TRPC4: variants seen among roughly 807,000 people sequenced by gnomAD.
TRPC4 encodes short transient receptor potential channel 4.
Under a neutral mutation model 99.4 loss-of-function variants are expected in TRPC4, and 49 were observed. The observed-to-expected ratio is 0.49, with a 90% CI of 0.39 to 0.63. TRPC4 has a LOEUF of 0.63. TRPC4 is among the 20% of genes least tolerant of loss of function. TRPC4 has a pLI of 0.00. For synonymous variants in TRPC4, 454 were observed against 425.9 expected, an observed-to-expected ratio of 1.07 and a Z score of -0.81; for missense variants, 898 against 1,152.9, an observed-to-expected ratio of 0.78 and a Z score of 3.20.
At chr13:37,713,548 G>C (rs950672814) in intron 3 of TRPC4, among the ~76,000 whole-genome samples, 3 of 152,116 alleles carry the variant, frequency 2.0e-5, no homozygotes, top group African/African-American at 7.2e-5. Context: ...AAAGATAGCT[G>C]TTTCCACTGT....
rs1027558687 is a variant in TRPC4 at position 37,633,453 on chromosome 13, G to A, written c.*3450C>T. Among the ~76,000 whole-genome samples the A allele has an allele frequency of 2.6e-5, 4 of 152,108 alleles. No homozygotes were observed. Among genetic ancestry groups the A allele is most frequent in the African/African-American group, 9.7e-5 (4 of 41,434 alleles). ...CTTGGTGGCCTCTCTTCAATAAAGA[G>A]CTGTGAGACTGGATAGTCATTTACT... On this transcript the variant is annotated 3_prime_UTR_variant, in exon 11 of 11. Transcript: ENST00000379705.
At chr13:37,694,028 G>T (rs1156624941) in intron 3 of TRPC4, among the ~76,000 whole-genome samples, 1 of 152,152 alleles carries the variant, frequency 6.6e-6, no homozygotes, top group Non-Finnish European at 1.5e-5. Flanking sequence ...TTATATAACT[G>T]TAGAGTATTG....
At chr13:37,862,282 A>G (rs1427921684) in intron 1 of TRPC4, among the ~76,000 whole-genome samples, 1 of 151,544 alleles carries the variant, frequency 6.6e-6, no homozygotes, top group Non-Finnish European at 1.5e-5. Context: ...GTAGGGTAAC[A>G]TGTGACTGTA....
At chr13:37,646,702 T>C (rs1951870107) in intron 8 of TRPC4, among the ~76,000 whole-genome samples, 1 of 152,242 alleles carries the variant, frequency 6.6e-6, no homozygotes. Flanking sequence ...CTCCTGACAA[T>C]TCTTGTATGC....
At chr13:37,835,742 C>T (rs1251848525) in intron 1 of TRPC4, among the ~76,000 whole-genome samples, 5 of 152,196 alleles carry the variant, frequency 3.3e-5, no homozygotes, top group Admixed American at 2.0e-4. Flanking sequence ...AGATTCAACA[C>T]ATAAGGTGCA....
rs935547763 is a variant in TRPC4 at position 37,636,044 on chromosome 13, A to T, written c.*859T>A. ...TCATTTTCATTTGGATATTATTAGTATGTAATCATCTTGCTTGTTTAAGAT... is the reference window on the plus strand; with the variant it reads ...TCATTTTCATTTGGATATTATTAGTTTGTAATCATCTTGCTTGTTTAAGAT... On this transcript the variant is annotated 3_prime_UTR_variant, in exon 11 of 11. Coordinates refer to ENST00000379705, the MANE Select transcript of TRPC4 (RefSeq NM_016179.4). Among the ~76,000 whole-genome samples, 2 of 152,098 alleles carry T rather than the reference A, an allele frequency of 1.3e-5. No individual in the cohort carries two copies. Among genetic ancestry groups the T allele is most frequent in the African/African-American group, 4.8e-5 (2 of 41,428 alleles).
At chr13:37,737,226 GTAATAATAA>G (rs141469952) in intron 3 of TRPC4, among the ~76,000 whole-genome samples, 2 of 148,322 alleles carry the variant, frequency 1.3e-5, no homozygotes, top group Admixed American at 6.8e-5. Context: ...ACAAAAAATA[GTAATAATAA>G]TAATAATAAT....
chr13:37,728,298 AC>A (rs1435937430), intron 3 of TRPC4, among the ~76,000 whole-genome samples: 1 of 152,062 alleles, frequency 6.6e-6, no homozygotes, highest in Non-Finnish European at 1.5e-5. Flanking sequence ...TGAAGATTCC[AC>A]AAAAGAATAG....
rs564268420 is a variant in TRPC4 at position 37,648,416 on chromosome 13, T to C, written c.2079+2849A>G. 1.6e-4 allele frequency among the ~76,000 whole-genome samples: 24 copies of C among 152,304 alleles called. No individual in the cohort carries two copies. The South Asian group carries it at 4.6e-3, about 29-fold the overall frequency. ...TAAATTTAGACAGCATTGATATTGA[T>C]TGGGCTGGTGCTTGCCCAGGGCTCT... is the stretch of plus-strand genomic sequence containing the variant. On this transcript the variant is annotated intron_variant, in intron 8 of 10. Coordinates refer to ENST00000379705, the MANE Select transcript of TRPC4 (RefSeq NM_016179.4).
intron 3 of TRPC4, among the ~76,000 whole-genome samples, chr13:37,698,472 T>A (rs1209821228): frequency 6.6e-6 from 1 of 152,042 alleles, no homozygotes; most frequent in East Asian, 1.9e-4. Flanking sequence ...AGAAATACCT[T>A]TGAATAATGT....
intron 3 of TRPC4, among the ~76,000 whole-genome samples, chr13:37,743,210 A>C (rs1955641886): frequency 6.6e-6 from 1 of 152,154 alleles, no homozygotes; most frequent in Non-Finnish European, 1.5e-5. Context: ...AGTGTCTTTT[A>C]AAAAATAGCA....
chr13:37,647,961 T>G (rs1478372764), intron 8 of TRPC4, among the ~76,000 whole-genome samples: 2 of 152,242 alleles, frequency 1.3e-5, no homozygotes, highest in African/African-American at 2.4e-5. Flanking sequence ...ATTTATTTAT[T>G]GAGATGGAGT....
chr13:37,752,890 A>G (rs568098544), intron 2 of TRPC4, among the ~76,000 whole-genome samples: 5 of 152,142 alleles, frequency 3.3e-5, no homozygotes, highest in South Asian at 2.1e-4. Flanking sequence ...ATTACTATAC[A>G]TGAGCAATGT....
At position 37,843,637 on chromosome 13, in the gene TRPC4, CCAG is replaced by C. The variant is rs1396919794; in HGVS notation, c.-28+25955_-28+25957del. ...AAAATGATTTCAGTCCTGAGGGTGT[CCAG>C]GTATAGTGTTACAGAACTATGTCTT... is the stretch of plus-strand genomic sequence containing the variant. On this transcript the variant is annotated intron_variant, in intron 1 of 10. Coordinates refer to ENST00000379705, the MANE Select transcript of TRPC4 (RefSeq NM_016179.4). Among the ~76,000 whole-genome samples, 4 of 151,846 alleles carry C rather than the reference CCAG, an allele frequency of 2.6e-5. No homozygotes were observed. In the East Asian group the frequency reaches 5.8e-4, roughly 22 times the overall value.
intron 2 of TRPC4, among the ~76,000 whole-genome samples, chr13:37,776,965 GCATTAA>G (rs780191614): frequency 1.4e-4 from 22 of 151,726 alleles, no homozygotes; most frequent in Non-Finnish European, 3.1e-4. Flanking sequence ...TTATATATTT[GCATTAA>G]CATGCTAGTA....
rs146336265 is a variant in TRPC4, at chr13:37,790,755, C to T, written c.-27-7395G>A. On this transcript the variant is annotated intron_variant, in intron 1 of 10. Coordinates refer to ENST00000379705, the MANE Select transcript of TRPC4 (RefSeq NM_016179.4). The stretch of plus-strand genomic sequence containing the variant: ...GAAAACTCGGTATATTATCCTCCCC[C>T]CTTTGGTGACATGGTAAAATTCAGT... 2.7e-3 allele frequency among the ~76,000 whole-genome samples: 416 copies of T among 152,208 alleles called. 3 individuals are homozygous for T. Among genetic ancestry groups the T allele is most frequent in the African/African-American group, 9.6e-3 (399 of 41,540 alleles).
At chr13:37,678,381 CA>C (rs1038298829) in intron 4 of TRPC4, among the ~76,000 whole-genome samples, 6 of 151,344 alleles carry the variant, frequency 4.0e-5, no homozygotes, top group African/African-American at 1.2e-4. Flanking sequence ...GAATGATTAA[CA>C]AAAAAAGATG....
intron 3 of TRPC4, among the ~76,000 whole-genome samples, chr13:37,734,302 A>G (rs978486530): frequency 1.3e-5 from 2 of 152,174 alleles, no homozygotes; most frequent in East Asian, 1.9e-4. Flanking sequence ...TCATTTTATT[A>G]TCTAAGCAAG....
intron 2 of TRPC4, among the ~76,000 whole-genome samples, chr13:37,775,700 GAGA>G (rs1196371387): frequency 7.3e-5 from 11 of 151,712 alleles, no homozygotes; most frequent in South Asian, 2.1e-4. Flanking sequence ...CCTAAACATA[GAGA>G]AGAAGAGCCT....
Sources: allele counts gnomAD v4.1 joint callset (sites outside exome capture counted in the v4.1 genomes callset), GRCh38; gene constraint gnomAD v4.1.1; transcripts MANE v1.5; gene names NCBI Gene and HGNC (gene_info 2026-07-23, HGNC 2026-07-21).